PCDH9: variants seen among roughly 807,000 people sequenced by gnomAD.
The protein encoded by PCDH9 is protocadherin-9.
In PCDH9, 24 loss-of-function variants were observed where a neutral mutation model predicts 70.6. The observed-to-expected ratio is 0.34, with a 90% CI of 0.25 to 0.48. The LOEUF (loss-of-function observed/expected upper bound fraction) is 0.48. Ranked by LOEUF, PCDH9 falls within the 20% of genes least tolerant of loss-of-function variation. The pLI, the probability that PCDH9 is intolerant of heterozygous loss-of-function variation, is 0.99. For missense variants in PCDH9, 1,281 were observed against 1,503.6 expected, an observed-to-expected ratio of 0.85 and a Z score of 2.45; for synonymous variants, 562 against 558.5, an observed-to-expected ratio of 1.01 and a Z score of -0.09.
intron 2 of PCDH9, among the ~76,000 whole-genome samples, chr13:67,100,509 T>A (rs1368670866): frequency 6.6e-6 from 1 of 152,188 alleles, no homozygotes; most frequent in Non-Finnish European, 1.5e-5. Context: ...CAGAAATGTT[T>A]CTATCATAAA....
intron 2 of PCDH9, among the ~76,000 whole-genome samples, chr13:66,929,805 C>G (rs1480288036): frequency 6.6e-6 from 1 of 152,246 alleles, no homozygotes; most frequent in East Asian, 1.9e-4. Flanking sequence ...CTGAGGGACA[C>G]AGTGAGACTG....
At chr13:66,570,373 A>G (rs906326628) in intron 4 of PCDH9, among the ~76,000 whole-genome samples, 4 of 152,180 alleles carry the variant, frequency 2.6e-5, no homozygotes, top group Admixed American at 6.5e-5. Flanking sequence ...ATGAAACTAC[A>G]CAGGAGATAA....
chr13:66,308,238 A>C (rs375582129), intron 4 of PCDH9, among the ~76,000 whole-genome samples: 3 of 152,048 alleles, frequency 2.0e-5, no homozygotes, highest in East Asian at 3.9e-4. Flanking sequence ...TTTTTACATA[A>C]TTGGCATTAA....
At chr13:66,828,823 A>AATAATAATG (rs2080871004) in intron 3 of PCDH9, among the ~76,000 whole-genome samples, 1 of 144,040 alleles carries the variant, frequency 6.9e-6, no homozygotes, top group African/African-American at 2.5e-5. Context: ...TAATAATAAT[A>AATAATAATG]ATAATAATAA....
Position 67,002,323 on chromosome 13 carries a change from A to G in PCDH9, c.3037-98718T>C, listed in dbSNP as rs536496012. On this transcript the variant is annotated intron_variant, in intron 2 of 4. Transcript: ENST00000377865. Reference sequence around the variant, plus strand: ...TAAGCTAGTCAATAACTTCCTAATTAAACTCAAATTTAAAAATGGATACAA... The same window carrying G: ...TAAGCTAGTCAATAACTTCCTAATTGAACTCAAATTTAAAAATGGATACAA... Among the ~76,000 whole-genome samples the G allele has an allele frequency of 7.2e-5, 11 of 152,202 alleles. No individual in the cohort carries two copies. The South Asian group carries it at 2.3e-3, about 32-fold the overall frequency.
intron 4 of PCDH9, among the ~76,000 whole-genome samples, chr13:66,510,884 G>A (rs1305264963): frequency 1.3e-5 from 2 of 152,030 alleles, no homozygotes; most frequent in African/African-American, 4.8e-5. Flanking sequence ...GAATATATAT[G>A]CAACATTAGA....
intron 3 of PCDH9, among the ~76,000 whole-genome samples, chr13:66,884,785 A>G (rs1410422500): frequency 6.6e-6 from 1 of 152,152 alleles, no homozygotes; most frequent in Non-Finnish European, 1.5e-5. Flanking sequence ...CTTCTTTTTC[A>G]TCTCCCAAAA....
chr13:67,205,957 G>T (rs7332095), intron 2 of PCDH9: 119,882 of 152,096 alleles, frequency 0.79, 48,457 homozygotes, highest in Middle Eastern at 0.91. Flanking sequence ...ACTTATTTAT[G>T]TTTTAGACAG....
chr13:66,615,156 A>T (rs1335438173), intron 4 of PCDH9, among the ~76,000 whole-genome samples: 2 of 152,228 alleles, frequency 1.3e-5, no homozygotes, highest in Non-Finnish European at 2.9e-5. Flanking sequence ...AAGATATTTA[A>T]TAATGTTAGC....
rs375382783 is a variant in PCDH9 at position 66,764,807 on chromosome 13, T to C, written c.3139-133396A>G. Among the ~76,000 whole-genome samples the C allele has an allele frequency of 1.3e-3, 197 of 152,064 alleles. 10 individuals carry two copies. The South Asian group carries it at 0.04, about 31-fold the overall frequency. Reference sequence around the variant, plus strand: ...GCACACTGATTAAGAAAACCCTGAGTTATTGGTATTTTTCATATATATAAT... The same window carrying C: ...GCACACTGATTAAGAAAACCCTGAGCTATTGGTATTTTTCATATATATAAT... On this transcript the variant is annotated intron_variant, in intron 3 of 4. Transcript: ENST00000377865.
chr13:66,570,935 A>G (rs918795183), intron 4 of PCDH9, among the ~76,000 whole-genome samples: 8 of 152,122 alleles, frequency 5.3e-5, no homozygotes, highest in African/African-American at 1.9e-4. Context: ...ATGCATATGC[A>G]TAAAAGGGAG....
chr13:66,527,240 T>C (rs1015220094), intron 4 of PCDH9, among the ~76,000 whole-genome samples: 2 of 151,800 alleles, frequency 1.3e-5, no homozygotes, highest in Non-Finnish European at 2.9e-5. Context: ...ATATAGCTGG[T>C]CACCTTTTTT....
intron 4 of PCDH9, among the ~76,000 whole-genome samples, chr13:66,529,006 T>C (rs1187439297): frequency 6.6e-6 from 1 of 152,122 alleles, no homozygotes; most frequent in African/African-American, 2.4e-5. Context: ...AGCAAAGTCT[T>C]ATGGAGATTG....
chr13:66,892,808 C>G (rs2082117329), intron 3 of PCDH9, among the ~76,000 whole-genome samples: 1 of 151,954 alleles, frequency 6.6e-6, no homozygotes, highest in South Asian at 2.1e-4. Flanking sequence ...GAAGCAGGGA[C>G]TTCAAAAAAT....
intron 3 of PCDH9, among the ~76,000 whole-genome samples, chr13:66,755,141 T>G (rs1289915995): frequency 6.7e-6 from 1 of 148,798 alleles, no homozygotes; most frequent in Non-Finnish European, 1.5e-5. Flanking sequence ...AGAACCAAAA[T>G]TTTGCTGAGC....
Position 66,385,546 on chromosome 13 carries a change from T to C in PCDH9, c.3341-80518A>G, listed in dbSNP as rs548485967. On this transcript the variant is annotated intron_variant, in intron 4 of 4. Coordinates refer to ENST00000377865, the MANE Select transcript of PCDH9 (RefSeq NM_203487.3). ...CCAGCCCCACAAATTAACCAGAGTG[T>C]TTAGATTATCTAAATAAGGTGTCGA... is the stretch of plus-strand genomic sequence containing the variant. 7.2e-5 allele frequency among the ~76,000 whole-genome samples: 11 copies of C among 152,184 alleles called. No homozygotes were observed. The South Asian group carries it at 1.2e-3, about 17-fold the overall frequency.
intron 2 of PCDH9, among the ~76,000 whole-genome samples, chr13:67,145,640 A>G (rs1025082010): frequency 6.6e-5 from 10 of 152,038 alleles, no homozygotes; most frequent in Admixed American, 4.6e-4. Context: ...ATATATTCAT[A>G]TGTATGGCTT....
chr13:66,513,390 T>G (rs1390254765), intron 4 of PCDH9, among the ~76,000 whole-genome samples: 3 of 152,084 alleles, frequency 2.0e-5, no homozygotes, highest in Non-Finnish European at 2.9e-5. Flanking sequence ...CTTTAATAGT[T>G]TCCTTTACAT....
intron 3 of PCDH9, among the ~76,000 whole-genome samples, chr13:66,708,049 TA>T (rs1440261849): frequency 6.6e-6 from 1 of 151,400 alleles, no homozygotes; most frequent in African/African-American, 2.4e-5. Context: ...TATTTTATTT[TA>T]TTTTTTTTTT....
Sources: gnomAD v4.1 joint callset for allele counts (sites outside exome capture counted in the v4.1 genomes callset) on GRCh38, gnomAD v4.1.1 for gene constraint, MANE v1.5 for transcripts, NCBI Gene and HGNC (gene_info 2026-07-23, HGNC 2026-07-21) for gene names.